EFCAB7: variants seen among roughly 807,000 people sequenced by gnomAD.
EFCAB7 encodes the protein EF-hand calcium-binding domain-containing protein 7.
In EFCAB7, 66 loss-of-function variants were observed where a neutral mutation model predicts 77.1. The ratio of observed to expected loss-of-function variants is 0.86; its 90% CI spans 0.70 to 1.05. The LOEUF (loss-of-function observed/expected upper bound fraction) is 1.05, where lower values mean the gene tolerates loss of function less well. Among genes scored for constraint, EFCAB7 ranks in the 50% least tolerant of loss-of-function variants. EFCAB7 has a pLI of 0.00. For synonymous variants in EFCAB7, 225 were observed against 243.3 expected, an observed-to-expected ratio of 0.92 and a Z score of 0.70; for missense variants, 638 against 730.5, an observed-to-expected ratio of 0.87 and a Z score of 1.46.
In EFCAB7 at chr1:63,555,489, G is replaced by A. The variant is rs767551623; in HGVS notation, c.1188G>A (p.Gly396=). The stretch of plus-strand genomic sequence containing the variant: ...AACTTGTATATAGAGATGAAACAGG[G>A]GAATTATTCCTTACAAAGGAATTTA... ...EAQLVYRDET[G]ELFLTKEFKS... The change falls in exon 9 of 14, where the codon GGG becomes GGA. Residue 396 remains glycine, a synonymous_variant. Transcript: ENST00000371088. 1 of 1,612,266 alleles carries A rather than the reference G, an allele frequency of 6.2e-7. No homozygotes were observed. The highest frequency in any genetic ancestry group is 1.3e-5 in the African/African-American group (1 of 74,804).
At chr1:63,548,488 C>G (rs1217947888) in intron 7 of EFCAB7, 1 of 151,940 alleles carries the variant, frequency 6.6e-6, no homozygotes, top group Non-Finnish European at 1.5e-5. Context: ...TGGTATTAAT[C>G]CTGCTTGGGG....
chr1:63,569,766 A>C (rs1189333081), intron 12 of EFCAB7: 1 of 152,220 alleles, frequency 6.6e-6, no homozygotes, highest in African/African-American at 2.4e-5. Flanking sequence ...TTTAGACTTG[A>C]TTAACTAAGC....
intron 9 of EFCAB7, among the ~76,000 whole-genome samples, chr1:63,556,778 T>G (rs921910420): frequency 6.6e-6 from 1 of 151,868 alleles, no homozygotes; most frequent in South Asian, 2.1e-4. Context: ...ATCCCAGCAC[T>G]TTGGGAGGCT....
At chr1:63,570,893 C>G in intron 12 of EFCAB7, 128 bp from the exon 13 acceptor site, 1 of 486,222 alleles carries the variant, frequency 2.1e-6, no homozygotes, top group Non-Finnish European at 3.5e-6. Flanking sequence ...AAAGAAGTAG[C>G]CAATTTGTAT....
intron 6 of EFCAB7, among the ~76,000 whole-genome samples, chr1:63,544,118 C>T (rs1343808024): frequency 1.3e-5 from 2 of 151,336 alleles, no homozygotes; most frequent in South Asian, 2.1e-4. Flanking sequence ...TACAGGTGTG[C>T]GCCACCACGC....
intron 2 of EFCAB7, among the ~76,000 whole-genome samples, chr1:63,527,130 G>C (rs1226652341): frequency 6.6e-6 from 1 of 152,050 alleles, no homozygotes; most frequent in Non-Finnish European, 1.5e-5. Context: ...TTTTGTTACT[G>C]TTTTGAAAAT....
chr1:63,525,663 G>A lies in EFCAB7; in HGVS notation c.91G>A (p.Glu31Lys). 1 of 1,601,130 alleles carries A rather than the reference G, an allele frequency of 6.2e-7. No individual in the cohort carries two copies. Among genetic ancestry groups the A allele is most frequent in the Non-Finnish European group, 8.5e-7 (1 of 1,177,066 alleles). Reference sequence around the variant, plus strand: ...TCGAACAAAGAAATTTCCACTAACTGAAGAGGAAATATTTTATATGAATTG... The same window carrying A: ...TCGAACAAAGAAATTTCCACTAACTAAAGAGGAAATATTTTATATGAATTG... Reference protein sequence around the residue: ...SPRTKKFPLTEEEIFYMNCRA... With the variant: ...SPRTKKFPLTKEEIFYMNCRA... The change falls in exon 2 of 14, where the codon GAA becomes AAA. Residue 31 changes from glutamate (E) to lysine (K), a missense_variant. Transcript: ENST00000371088.
At chr1:63,546,102 C>G (rs1387406417) in intron 7 of EFCAB7, 45 bp downstream of exon 7, 2 of 1,584,440 alleles carry the variant, frequency 1.3e-6, no homozygotes, top group East Asian at 4.5e-5. Flanking sequence ...CAATTTGTAC[C>G]CTCCTTGAAA....
At chr1:63,542,549 C>A (rs1314901238) in intron 6 of EFCAB7, among the ~76,000 whole-genome samples, 2 of 152,146 alleles carry the variant, frequency 1.3e-5, no homozygotes, top group Non-Finnish European at 2.9e-5. Flanking sequence ...CAATGCTTCA[C>A]CATTTTATGC....
chr1:63,532,628 T>A, intron 3 of EFCAB7, 42 bp from the exon 4 acceptor site: 1 of 1,505,562 alleles, frequency 6.6e-7, no homozygotes, highest in Non-Finnish European at 9.1e-7. Flanking sequence ...AACAAAGGAG[T>A]AATCATGTTG....
At chr1:63,574,169 T>C (rs1459867335), downstream of EFCAB7, among the ~76,000 whole-genome samples, 2 of 151,752 alleles carry the variant, frequency 1.3e-5, no homozygotes, top group Non-Finnish European at 2.9e-5. Flanking sequence ...CCGAGCTTGA[T>C]GTGTAGGGAA....
At chr1:63,555,163 C>T in intron 8 of EFCAB7, 195 bp from the exon 9 acceptor site, 1 of 458,598 alleles carries the variant, frequency 2.2e-6, no homozygotes, top group Non-Finnish European at 3.7e-6. Context: ...ATCTAATGAT[C>T]TCATAATGGG....
At position 63,523,544 on chromosome 1, in the gene EFCAB7, G is replaced by A. The variant is rs966351985; in HGVS notation, c.-92G>A. On this transcript the variant is annotated 5_prime_UTR_variant, in exon 1 of 14. Transcript: ENST00000371088. ...AGGTGCAGTTGCCATGGTGATTAGA[G>A]AAAGGCCGAGATCTGTCCAGCTGCG... is the stretch of plus-strand genomic sequence containing the variant. The A allele has an allele frequency of 7.6e-6, 2 of 261,918 alleles. No homozygotes were observed. The highest frequency in any genetic ancestry group is 9.3e-5 in the East Asian group (1 of 10,792). The allele number at this position is 261,918 out of a possible 1,614,324, so 16.2% of individuals were successfully genotyped here.
At chr1:63,525,898 A>G (rs902620216) in intron 2 of EFCAB7, 139 bp downstream of exon 2, 1 of 588,472 alleles carries the variant, frequency 1.7e-6, no homozygotes, top group Non-Finnish European at 2.9e-6. Context: ...ACAGTAAGCT[A>G]TTATGTCATA....
intron 6 of EFCAB7, among the ~76,000 whole-genome samples, chr1:63,542,500 T>C (rs1389968494): frequency 6.6e-6 from 1 of 152,220 alleles, no homozygotes; most frequent in East Asian, 1.9e-4. Flanking sequence ...TATAGAATTC[T>C]AGATTTGCTT....
rs577182669 is a variant in EFCAB7, at chr1:63,565,202, A to G, written c.1498-3108A>G. On this transcript the variant is annotated intron_variant, in intron 11 of 13. Transcript: ENST00000371088. ...GTGAAACCCCGTCTGTACTAAAAAT[A>G]CAAAAAATTAGCTGGGCATGGTGGC... Among the ~76,000 whole-genome samples the G allele has an allele frequency of 3.8e-3, 584 of 152,234 alleles. 3 individuals are homozygous for G. Among genetic ancestry groups the G allele is most frequent in the African/African-American group, 0.013 (535 of 41,550 alleles).
downstream of EFCAB7, among the ~76,000 whole-genome samples, chr1:63,576,468 G>A (rs147479577): frequency 2.0e-3 from 307 of 151,612 alleles, 2 homozygotes; most frequent in African/African-American, 7.3e-3. Context: ...CGACATGAGT[G>A]AGACTGTCTC....
chr1:63,584,135 G>A, the EFCAB7 span, among the ~76,000 whole-genome samples: 1 of 152,148 alleles, frequency 6.6e-6, no homozygotes, highest in African/African-American at 2.4e-5. Flanking sequence ...TCTGGCATAA[G>A]GGTTCTGATT....
the EFCAB7 span, among the ~76,000 whole-genome samples, chr1:63,582,884 C>T: frequency 5.9e-5 from 9 of 152,058 alleles, no homozygotes; most frequent in African/African-American, 1.9e-4. Flanking sequence ...GGATTACAGG[C>T]GTGAGCCACC....
Sources: gnomAD v4.1 joint callset for allele counts (sites outside exome capture counted in the v4.1 genomes callset) on GRCh38, gnomAD v4.1.1 for gene constraint, MANE v1.5 for transcripts, NCBI Gene and HGNC (gene_info 2026-07-23, HGNC 2026-07-21) for gene names.